PIGU: variants seen among roughly 807,000 people sequenced by gnomAD.
PIGU encodes the protein phosphatidylinositol glycan anchor biosynthesis class U.
PIGU carries 24 observed loss-of-function variants against 49.9 expected under a neutral mutation model. The observed-to-expected ratio is 0.48, with a 90% CI of 0.35 to 0.68. The LOEUF (loss-of-function observed/expected upper bound fraction) is 0.68, where lower values mean the gene tolerates loss of function less well. Ranked by LOEUF, PIGU falls within the 30% of genes least tolerant of loss-of-function variation. The pLI, the probability that PIGU is intolerant of heterozygous loss-of-function variation, is 0.01. For synonymous variants in PIGU, 220 were observed against 205.7 expected, an observed-to-expected ratio of 1.07 and a Z score of -0.59; for missense variants, 490 against 532.6, an observed-to-expected ratio of 0.92 and a Z score of 0.79.
intron 7 of PIGU, among the ~76,000 whole-genome samples, chr20:34,603,537 T>C (rs1324602219): frequency 2.0e-5 from 3 of 152,306 alleles, no homozygotes; most frequent in Non-Finnish European, 4.4e-5. Flanking sequence ...GATTTAAATA[T>C]ATTTATGAGT....
intron 1 of PIGU, among the ~76,000 whole-genome samples, chr20:34,675,262 AAAAAAAAG>A (rs1164436112): frequency 7.4e-6 from 1 of 134,372 alleles, no homozygotes; most frequent in Non-Finnish European, 1.6e-5. Flanking sequence ...AAAAAAAAAA[AAAAAAAAG>A]AGAGAGAGAG....
At chr20:34,637,455 T>C (rs1986003438) in intron 5 of PIGU, among the ~76,000 whole-genome samples, 2 of 152,200 alleles carry the variant, frequency 1.3e-5, no homozygotes, top group East Asian at 1.9e-4. Flanking sequence ...TGCATCTGTT[T>C]GGCACTTCAG....
chr20:34,564,934 GAC>G (rs1982680308), intron 11 of PIGU, among the ~76,000 whole-genome samples: 1 of 152,204 alleles, frequency 6.6e-6, no homozygotes, highest in Non-Finnish European at 1.5e-5. Context: ...CCAGGGAGAG[GAC>G]ACCAGGCTGG....
chr20:34,609,425 C>T (rs577550438), intron 7 of PIGU, among the ~76,000 whole-genome samples: 63 of 151,722 alleles, frequency 4.2e-4, no homozygotes, highest in Non-Finnish European at 7.7e-4. Flanking sequence ...AGTGCAGTGG[C>T]GCAATCTCGG....
At chr20:34,671,946 T>C (rs913042891) in intron 1 of PIGU, among the ~76,000 whole-genome samples, 1 of 152,110 alleles carries the variant, frequency 6.6e-6, no homozygotes, top group Non-Finnish European at 1.5e-5. Context: ...ATTTTCTTTT[T>C]TTATAAGGCA....
At chr20:34,671,620 C>T (rs1206755638) in intron 1 of PIGU, among the ~76,000 whole-genome samples, 1 of 151,960 alleles carries the variant, frequency 6.6e-6, no homozygotes, top group East Asian at 1.9e-4. Flanking sequence ...GAAATTCATT[C>T]CTTAAAAATT....
intron 7 of PIGU, among the ~76,000 whole-genome samples, chr20:34,592,049 G>C (rs546652598): frequency 3.9e-5 from 6 of 151,958 alleles, no homozygotes; most frequent in Non-Finnish European, 8.8e-5. Flanking sequence ...TTAGCCGGGC[G>C]TGGTGGTTGG....
chr20:34,601,602 T>C (rs1984427708), intron 7 of PIGU, among the ~76,000 whole-genome samples: 1 of 152,164 alleles, frequency 6.6e-6, no homozygotes, highest in South Asian at 2.1e-4. Context: ...CTCCAAGAAT[T>C]AGATTTTCCA....
chr20:34,636,853 C>T (rs992257788), intron 5 of PIGU, among the ~76,000 whole-genome samples: 4 of 152,038 alleles, frequency 2.6e-5, no homozygotes, highest in Non-Finnish European at 5.9e-5. Context: ...AAATTGCTGG[C>T]GGTTTTTTTC....
intron 2 of PIGU, among the ~76,000 whole-genome samples, chr20:34,647,409 G>GCGC (rs1986391835): frequency 6.6e-6 from 1 of 151,714 alleles, no homozygotes; most frequent in Admixed American, 6.6e-5. Context: ...TTACAGCCGC[G>GCGC]CGCCACCACA....
chr20:34,644,133 A>C, intron 4 of PIGU, 31 bp downstream of exon 4: 2 of 1,565,904 alleles, frequency 1.3e-6, no homozygotes, highest in East Asian at 4.5e-5. Flanking sequence ...ACCAAATTCC[A>C]CCAGCTTTGC....
chr20:34,617,130 A>G (rs2146742391), intron 6 of PIGU, among the ~76,000 whole-genome samples: 1 of 152,338 alleles, frequency 6.6e-6, no homozygotes, highest in African/African-American at 2.4e-5. Flanking sequence ...GCCCTCATGG[A>G]GAACCTCTGC....
intron 11 of PIGU, among the ~76,000 whole-genome samples, chr20:34,562,733 G>A (rs912274418): frequency 2.0e-5 from 3 of 152,240 alleles, no homozygotes; most frequent in Non-Finnish European, 4.4e-5. Flanking sequence ...TGGTCACAGC[G>A]TCAGCAAAGC....
At position 34,622,507 on chromosome 20, in the gene PIGU, A is replaced by G. The variant is rs575568625; in HGVS notation, c.530-6368T>C. Among the ~76,000 whole-genome samples, 223 of 152,108 alleles carry G rather than the reference A, an allele frequency of 1.5e-3. 1 individual carries two copies. Among genetic ancestry groups the G allele is most frequent in the Non-Finnish European group, 2.1e-3 (142 of 67,994 alleles). ...ACTCCAGCCTGGGAGACACAGCAAGAGTCCGTCTCAAAAAAAACAAAAACA... is the reference window on the plus strand; with the variant it reads ...ACTCCAGCCTGGGAGACACAGCAAGGGTCCGTCTCAAAAAAAACAAAAACA... On this transcript the variant is annotated intron_variant, in intron 6 of 11. Transcript: ENST00000217446.
chr20:34,614,076 G>A (rs1022863458), intron 7 of PIGU, among the ~76,000 whole-genome samples: 4 of 152,106 alleles, frequency 2.6e-5, no homozygotes, highest in Non-Finnish European at 4.4e-5. Context: ...CAGAAGGATC[G>A]CTTGAACCTA....
chr20:34,590,923 A>C (rs1048089981), intron 7 of PIGU, among the ~76,000 whole-genome samples: 84 of 152,120 alleles, frequency 5.5e-4, no homozygotes, highest in Non-Finnish European at 8.5e-4. Flanking sequence ...CAGGAGGCTG[A>C]GGCAGGAGAA....
rs1231301036 is a variant in PIGU, at chr20:34,604,780, T to TA, written c.627+11261dup. ...AACCTGACCCAAGCTCCAGAAAGGA[T>TA]AAAAAAAAATCACAGGATTAACGTT... On this transcript the variant is annotated intron_variant, in intron 7 of 11. Transcript: ENST00000217446. 4.0e-3 allele frequency among the ~76,000 whole-genome samples: 602 copies of TA among 151,436 alleles called. 1 individual carries two copies. The highest frequency in any genetic ancestry group is 0.013 in the African/African-American group (544 of 41,304).
chr20:34,674,863 C>A (rs1452131231), intron 1 of PIGU, among the ~76,000 whole-genome samples: 1 of 150,966 alleles, frequency 6.6e-6, no homozygotes, highest in African/African-American at 2.4e-5. Flanking sequence ...GGGAGGATGT[C>A]CTGAGCCCGA....
intron 1 of PIGU, among the ~76,000 whole-genome samples, chr20:34,673,706 C>T (rs537647599): frequency 1.3e-5 from 2 of 152,180 alleles, no homozygotes; most frequent in Admixed American, 6.6e-5. Context: ...TGGATTATCT[C>T]GTTGAACAGG....
Sources: gnomAD v4.1 joint callset for allele counts (sites outside exome capture counted in the v4.1 genomes callset) on GRCh38, gnomAD v4.1.1 for gene constraint, MANE v1.5 for transcripts, NCBI Gene and HGNC (gene_info 2026-07-23, HGNC 2026-07-21) for gene names.